Variants in FIRRM observed in about 807,000 individuals in gnomAD.
FIRRM encodes FIGNL1-interacting regulator of recombination and mitosis.
At chr1:169,805,730 T>G in the FIRRM span, among the ~76,000 whole-genome samples, 1 of 152,228 alleles carries the variant, frequency 6.6e-6, no homozygotes, top group African/African-American at 2.4e-5. Flanking sequence ...TATAATAGGG[T>G]ACAACTTTTA....
the FIRRM span, chr1:169,794,965 CG>C: frequency 3.0e-6 from 2 of 666,820 alleles, no homozygotes; most frequent in Non-Finnish European, 5.2e-6. Context: ...TTGAGGGACC[CG>C]GGCTCACCAA....
chr1:169,793,587 C>T, the FIRRM span: 139 of 1,614,060 alleles, frequency 8.6e-5, no homozygotes, highest in Non-Finnish European at 1.2e-4. Flanking sequence ...TTTTGACTTT[C>T]TGAGACTGAC....
the FIRRM span, among the ~76,000 whole-genome samples, chr1:169,790,562 G>A: frequency 6.6e-6 from 1 of 152,020 alleles, no homozygotes; most frequent in African/African-American, 2.4e-5. Context: ...TGCACTTGCT[G>A]GACCCTCTCC....
At chr1:169,793,779 A>G in the FIRRM span, 7 of 1,299,252 alleles carry the variant, frequency 5.4e-6, no homozygotes, top group African/African-American at 1.0e-4. Flanking sequence ...ATCTGCCTCA[A>G]TTATTCAATT....
At chr1:169,823,861 G>A in the FIRRM span, among the ~76,000 whole-genome samples, 1 of 151,862 alleles carries the variant, frequency 6.6e-6, no homozygotes, top group African/African-American at 2.4e-5. Context: ...ATACCTTTCT[G>A]TAATTCACTT....
chr1:169,787,550 G>A, the FIRRM span, among the ~76,000 whole-genome samples: 42 of 152,032 alleles, frequency 2.8e-4, 1 homozygote, highest in South Asian at 7.3e-3. Context: ...CTTGCTCCTC[G>A]GCTATAAATT....
the FIRRM span, chr1:169,805,887 T>G: frequency 1.5e-6 from 1 of 653,300 alleles, no homozygotes; most frequent in Non-Finnish European, 2.7e-6. Flanking sequence ...CCAAGTTGTG[T>G]TACGTATTTT....
the FIRRM span, among the ~76,000 whole-genome samples, chr1:169,825,567 A>G: frequency 8.0e-4 from 122 of 152,370 alleles, 1 homozygote; most frequent in African/African-American, 2.8e-3. Flanking sequence ...AATTCTTGCA[A>G]TGATGCTCAG....
the FIRRM span, chr1:169,793,905 G>GAAAAA: frequency 9.0e-6 from 2 of 221,732 alleles, no homozygotes. Flanking sequence ...GCTCTGGAAA[G>GAAAAA]AAAAAAAAAA....
At chr1:169,834,477 T>C in the FIRRM span, among the ~76,000 whole-genome samples, 3 of 152,016 alleles carry the variant, frequency 2.0e-5, no homozygotes, top group African/African-American at 7.2e-5. Context: ...TTGGCTCTTT[T>C]TTTTAACCCC....
chr1:169,802,370 T>C, the FIRRM span, among the ~76,000 whole-genome samples: 1 of 152,216 alleles, frequency 6.6e-6, no homozygotes, highest in East Asian at 1.9e-4. Context: ...AAATTGATGC[T>C]ATTAAATAGA....
At chr1:169,830,894 G>A in the FIRRM span, 2 of 675,614 alleles carry the variant, frequency 3.0e-6, no homozygotes, top group South Asian at 4.2e-5. Context: ...TAATGCTGAT[G>A]CTTTTAAGAA....
At chr1:169,792,395 G>A in the FIRRM span, 3 of 477,762 alleles carry the variant, frequency 6.3e-6, no homozygotes, top group Non-Finnish European at 1.1e-5. Flanking sequence ...AATGCACGAG[G>A]ATACCTTCTC....
the FIRRM span, chr1:169,785,027 A>G: frequency 6.6e-6 from 1 of 152,360 alleles, no homozygotes; most frequent in South Asian, 2.1e-4. Context: ...AGGGACTGAC[A>G]TGTAGGAAGT....
the FIRRM span, chr1:169,804,182 C>T: frequency 5.0e-6 from 8 of 1,598,418 alleles, no homozygotes; most frequent in African/African-American, 1.1e-4. Flanking sequence ...AACTGCTGGA[C>T]ATGGTTTGCA....
the FIRRM span, among the ~76,000 whole-genome samples, chr1:169,796,955 AG>A: frequency 6.6e-5 from 10 of 152,232 alleles, no homozygotes; most frequent in Non-Finnish European, 1.5e-5. Flanking sequence ...CCCCAAACGC[AG>A]TCTTACACTT....
the FIRRM span, among the ~76,000 whole-genome samples, chr1:169,791,061 A>G: frequency 1.3e-5 from 2 of 152,150 alleles, no homozygotes; most frequent in Admixed American, 6.5e-5. Flanking sequence ...AGAATCTAAC[A>G]CCGCTGCTGA....
chr1:169,837,496 T>C, the FIRRM span, among the ~76,000 whole-genome samples: 1 of 152,200 alleles, frequency 6.6e-6, no homozygotes, highest in Non-Finnish European at 1.5e-5. Flanking sequence ...ACCTTTTACA[T>C]AGAATGTTCC....
the FIRRM span, among the ~76,000 whole-genome samples, chr1:169,801,616 A>G: frequency 6.9e-6 from 1 of 145,040 alleles, no homozygotes; most frequent in Non-Finnish European, 1.5e-5. Context: ...AAAAAAAAAA[A>G]AGAAAAGCTG....
Sources: gnomAD v4.1 joint callset for allele counts (sites outside exome capture counted in the v4.1 genomes callset) on GRCh38, gnomAD v4.1.1 for gene constraint, MANE v1.5 for transcripts, NCBI Gene and HGNC (gene_info 2026-07-23, HGNC 2026-07-21) for gene names.